The following MICU3 variants were observed in gnomAD, a reference collection of about 807,000 sequenced individuals.
The protein encoded by MICU3 is calcium uptake protein 3, mitochondrial.
MICU3 carries 62 observed loss-of-function variants against 66.5 expected under a neutral mutation model. The ratio of observed to expected loss-of-function variants is 0.93; its 90% CI spans 0.76 to 1.15. The LOEUF (loss-of-function observed/expected upper bound fraction) is 1.15, where lower values mean the gene tolerates loss of function less well. MICU3 is among the 50% of genes most tolerant of loss of function. MICU3 has a pLI of 0.00. For synonymous variants in MICU3, 308 were observed against 240.7 expected, an observed-to-expected ratio of 1.28 and a Z score of -2.59; for missense variants, 779 against 664.4, an observed-to-expected ratio of 1.17 and a Z score of -1.90.
downstream of MICU3, among the ~76,000 whole-genome samples, chr8:17,123,311 C>T (rs138299803): frequency 1.1e-3 from 172 of 152,062 alleles, no homozygotes; most frequent in African/African-American, 3.6e-3. Context: ...TGTGACTATA[C>T]GCACAGAGAA....
At chr8:17,096,051 T>C (rs1263620135) in intron 8 of MICU3, among the ~76,000 whole-genome samples, 1 of 151,962 alleles carries the variant, frequency 6.6e-6, no homozygotes, top group Non-Finnish European at 1.5e-5. Context: ...TTTACCTCTT[T>C]TAATGAAGGT....
intron 1 of MICU3, among the ~76,000 whole-genome samples, chr8:17,051,498 T>C (rs963568723): frequency 6.6e-6 from 1 of 152,146 alleles, no homozygotes; most frequent in Non-Finnish European, 1.5e-5. Flanking sequence ...TGGGTAATTG[T>C]AGATTTAAAA....
chr8:17,034,252 A>G (rs12681808), intron 1 of MICU3, among the ~76,000 whole-genome samples: 15,200 of 152,194 alleles, frequency 0.1, 1,031 homozygotes, highest in East Asian at 0.38. Flanking sequence ...TAAGCTCACT[A>G]TTGAGACCTG....
chr8:17,113,778 AAGAG>A (rs1276534622), intron 11 of MICU3, among the ~76,000 whole-genome samples: 4 of 152,280 alleles, frequency 2.6e-5, no homozygotes, highest in East Asian at 1.9e-4. Flanking sequence ...TCAGGCATAA[AAGAG>A]AGGATTTTCA....
intron 1 of MICU3, among the ~76,000 whole-genome samples, chr8:17,040,990 T>C (rs1373510330): frequency 1.3e-5 from 2 of 152,206 alleles, no homozygotes; most frequent in African/African-American, 4.8e-5. Context: ...GGATGATGAA[T>C]CTGTAACTTG....
chr8:17,135,406 A>AC, the MICU3 span, among the ~76,000 whole-genome samples: 4 of 151,554 alleles, frequency 2.6e-5, no homozygotes, highest in Non-Finnish European at 5.9e-5. Flanking sequence ...AAAAAAAAAA[A>AC]AAATGGACAT....
downstream of MICU3, among the ~76,000 whole-genome samples, chr8:17,122,886 A>G (rs892238366): frequency 4.6e-5 from 7 of 151,856 alleles, no homozygotes; most frequent in Non-Finnish European, 8.8e-5. Context: ...GGTCATTGGT[A>G]CTGGAAAACT....
intron 1 of MICU3, among the ~76,000 whole-genome samples, chr8:17,043,628 A>G (rs931326334): frequency 1.3e-5 from 2 of 152,228 alleles, no homozygotes; most frequent in African/African-American, 2.4e-5. Flanking sequence ...TTCTATCCAA[A>G]TAAATGGGTC....
chr8:17,068,309 A>T (rs977068294), intron 2 of MICU3, among the ~76,000 whole-genome samples: 15 of 152,276 alleles, frequency 9.9e-5, no homozygotes, highest in African/African-American at 3.4e-4. Flanking sequence ...CAGAATGAAT[A>T]TGTCTTTTGT....
chr8:17,128,253 C>T, the MICU3 span, among the ~76,000 whole-genome samples: 4 of 151,914 alleles, frequency 2.6e-5, no homozygotes, highest in Admixed American at 2.6e-4. Context: ...CACACACACA[C>T]ACACACACAC....
intron 8 of MICU3, among the ~76,000 whole-genome samples, chr8:17,093,243 A>G (rs1418273348): frequency 6.6e-6 from 1 of 152,020 alleles, no homozygotes; most frequent in Admixed American, 6.6e-5. Flanking sequence ...CAAAAGGATA[A>G]ATAATGCCAA....
intron 1 of MICU3, among the ~76,000 whole-genome samples, chr8:17,057,875 T>C (rs1817191791): frequency 6.6e-6 from 1 of 151,748 alleles, no homozygotes; most frequent in African/African-American, 2.4e-5. Context: ...GAGACGGAGT[T>C]TCACTTTTGT....
At chr8:17,036,821 C>T (rs1229522498) in intron 1 of MICU3, among the ~76,000 whole-genome samples, 1 of 152,226 alleles carries the variant, frequency 6.6e-6, no homozygotes, top group Admixed American at 6.5e-5. Flanking sequence ...CGCTCGCACT[C>T]CTCAGCCCTT....
At chr8:17,087,585 A>G (rs1050005789) in intron 7 of MICU3, among the ~76,000 whole-genome samples, 9 of 152,024 alleles carry the variant, frequency 5.9e-5, no homozygotes, top group African/African-American at 1.7e-4. Context: ...CAGCCTGACC[A>G]TAGGCCAGGT....
intron 1 of MICU3, among the ~76,000 whole-genome samples, chr8:17,061,706 A>C (rs1563312984): frequency 6.6e-6 from 1 of 152,192 alleles, no homozygotes; most frequent in South Asian, 2.1e-4. Flanking sequence ...ATGGCCTAGC[A>C]AGAAAAAAGT....
At chr8:17,034,399 A>G (rs1812618155) in intron 1 of MICU3, among the ~76,000 whole-genome samples, 1 of 152,276 alleles carries the variant, frequency 6.6e-6, no homozygotes, top group Admixed American at 6.5e-5. Flanking sequence ...TCTGCAGTCC[A>G]TGGATCAAGG....
chr8:17,126,049 A>G (rs574078283), downstream of MICU3, among the ~76,000 whole-genome samples: 2 of 151,558 alleles, frequency 1.3e-5, no homozygotes, highest in African/African-American at 2.4e-5. Flanking sequence ...AAAAAAAAAA[A>G]AAACCTCTCT....
intron 11 of MICU3, among the ~76,000 whole-genome samples, chr8:17,110,099 TG>T (rs984970022): frequency 3.3e-5 from 5 of 152,224 alleles, no homozygotes; most frequent in African/African-American, 1.2e-4. Flanking sequence ...GCATGAATTT[TG>T]TGCTGAAAAC....
downstream of MICU3, among the ~76,000 whole-genome samples, chr8:17,126,815 T>C (rs540406703): frequency 6.6e-6 from 1 of 152,186 alleles, no homozygotes; most frequent in South Asian, 2.1e-4. Flanking sequence ...CCACACAGTT[T>C]AGGTTTGGAT....
Sources: allele counts gnomAD v4.1 joint callset (sites outside exome capture counted in the v4.1 genomes callset), GRCh38; gene constraint gnomAD v4.1.1; transcripts MANE v1.5; gene names NCBI Gene and HGNC (gene_info 2026-07-23, HGNC 2026-07-21).